HDAC9: variants seen among roughly 807,000 people sequenced by gnomAD.
HDAC9 encodes histone deacetylase 9.
HDAC9 carries 41 observed loss-of-function variants against 139.4 expected under a neutral mutation model. The ratio of observed to expected loss-of-function variants is 0.29; its 90% CI spans 0.23 to 0.38. The LOEUF (loss-of-function observed/expected upper bound fraction) is 0.38. Among genes scored for constraint, HDAC9 ranks in the 10% least tolerant of loss-of-function variants. The pLI, the probability that HDAC9 is intolerant of heterozygous loss-of-function variation, is 1.00. For synonymous variants in HDAC9, 517 were observed against 476.2 expected, an observed-to-expected ratio of 1.09 and a Z score of -1.12; for missense variants, 1,147 against 1,297.0, an observed-to-expected ratio of 0.88 and a Z score of 1.78.
intron 12 of HDAC9, among the ~76,000 whole-genome samples, chr7:18,709,512 T>G (rs901910616): frequency 2.0e-5 from 3 of 152,214 alleles, no homozygotes; most frequent in African/African-American, 7.2e-5. Context: ...TATATCTATT[T>G]AACAAGTATT....
At chr7:18,814,875 A>G (rs566133652) in intron 17 of HDAC9, among the ~76,000 whole-genome samples, 1 of 152,336 alleles carries the variant, frequency 6.6e-6, no homozygotes, top group East Asian at 1.9e-4. Context: ...CATTTTGATA[A>G]TAGTTATACA....
rs369533007 is a variant in HDAC9 at position 18,124,770 on chromosome 7, G to A, written c.-96-37459G>A. ...TGCCCCCAGCTGCTGTTACTGACAG[G>A]GTTTCTGCTTTCCATATTGCCCATT... On this transcript the variant is annotated intron_variant, in intron 1 of 12. Coordinates refer to the HDAC9 transcript ENST00000417496. Among the ~76,000 whole-genome samples the A allele has an allele frequency of 9.2e-5, 14 of 152,002 alleles. No individual in the cohort carries two copies. The East Asian group carries it at 2.5e-3, about 27-fold the overall frequency.
intron 9 of HDAC9, 142 bp from the exon 10 acceptor site, chr7:18,647,643 C>T (rs1051852136): frequency 8.0e-6 from 5 of 624,900 alleles, no homozygotes; most frequent in African/African-American, 7.3e-5. Flanking sequence ...TTTAAAAAGT[C>T]CATTTTCCCT....
intron 2 of HDAC9, among the ~76,000 whole-genome samples, chr7:18,499,883 T>A (rs1173637277): frequency 2.6e-5 from 4 of 152,258 alleles, no homozygotes; most frequent in South Asian, 4.1e-4. Context: ...AAGGGAACAT[T>A]TTAGATTCAG....
chr7:18,764,353 G>A (rs1303337429), intron 15 of HDAC9, among the ~76,000 whole-genome samples: 1 of 152,094 alleles, frequency 6.6e-6, no homozygotes, highest in African/African-American at 2.4e-5. Flanking sequence ...ACACTTCTCA[G>A]TGATCATTGC....
At chr7:18,710,772 G>A (rs541114904) in intron 12 of HDAC9, among the ~76,000 whole-genome samples, 1 of 152,258 alleles carries the variant, frequency 6.6e-6, no homozygotes, top group East Asian at 1.9e-4. Context: ...AGCCGCTGAA[G>A]TTTAAATAAC....
chr7:18,804,967 T>C (rs1793589984), intron 17 of HDAC9, among the ~76,000 whole-genome samples: 1 of 152,140 alleles, frequency 6.6e-6, no homozygotes, highest in South Asian at 2.1e-4. Flanking sequence ...GCTAATTTTT[T>C]GTATTCTTTG....
At chr7:18,931,841 G>T (rs1003330829) in intron 22 of HDAC9, among the ~76,000 whole-genome samples, 1 of 152,110 alleles carries the variant, frequency 6.6e-6, no homozygotes, top group African/African-American at 2.4e-5. Context: ...GAGTTGAGGG[G>T]CAGAGAGGGA....
At chr7:18,663,882 G>A (rs576119438) in intron 11 of HDAC9, among the ~76,000 whole-genome samples, 1 of 152,124 alleles carries the variant, frequency 6.6e-6, no homozygotes, top group Non-Finnish European at 1.5e-5. Context: ...TGAGGTATGA[G>A]TAAGGGTTGC....
chr7:18,391,340 G>A (rs10256429), intron 1 of HDAC9, among the ~76,000 whole-genome samples: 5,057 of 151,914 alleles, frequency 0.033, 307 homozygotes, highest in African/African-American at 0.12. Flanking sequence ...AGCCGCTATC[G>A]TGCCACTGCA....
chr7:18,355,305 G>A (rs1783168163), intron 1 of HDAC9, among the ~76,000 whole-genome samples: 1 of 152,024 alleles, frequency 6.6e-6, no homozygotes, highest in Non-Finnish European at 1.5e-5. Flanking sequence ...GGATGGTTTA[G>A]AGCCTCTGGT....
At chr7:18,884,000 A>G (rs1223809271) in intron 22 of HDAC9, among the ~76,000 whole-genome samples, 2 of 152,202 alleles carry the variant, frequency 1.3e-5, no homozygotes, top group Admixed American at 1.3e-4. Flanking sequence ...AGGAGGTGAA[A>G]GATCTCCAAA....
intron 1 of HDAC9, among the ~76,000 whole-genome samples, chr7:18,448,423 T>C (rs1792497326): frequency 6.6e-6 from 1 of 152,220 alleles, no homozygotes; most frequent in Non-Finnish European, 1.5e-5. Context: ...ATATCACCTT[T>C]GATCCCATAA....
chr7:18,960,721 G>A (rs182869557), intron 24 of HDAC9, among the ~76,000 whole-genome samples: 12 of 152,106 alleles, frequency 7.9e-5, no homozygotes, highest in Admixed American at 3.9e-4. Context: ...TAATGTTACC[G>A]TAAAGATAAC....
chr7:18,868,993 C>T (rs1798701081), intron 21 of HDAC9, among the ~76,000 whole-genome samples: 2 of 152,134 alleles, frequency 1.3e-5, no homozygotes, highest in African/African-American at 2.4e-5. Context: ...TTATGCATCT[C>T]TTCATTTGTA....
chr7:18,358,834 A>G (rs935777550), intron 1 of HDAC9, among the ~76,000 whole-genome samples: 3 of 152,204 alleles, frequency 2.0e-5, no homozygotes, highest in African/African-American at 7.2e-5. Context: ...GAACTGGAAA[A>G]TTGAGGTATA....
In HDAC9 at chr7:18,998,945, A is replaced by G. The variant is rs1003695568; in HGVS notation, c.*2883A>G. 1 of 152,252 alleles carries G rather than the reference A, an allele frequency of 6.6e-6. No individual in the cohort carries two copies. Among genetic ancestry groups the G allele is most frequent in the Non-Finnish European group, 1.5e-5 (1 of 68,042 alleles). 9.4% of individuals were successfully genotyped at this position (152,252 alleles called of 1,614,324 possible). A position where few individuals can be genotyped will look rare whatever the true frequency, so the allele number is the denominator to read the frequency against. On this transcript the variant is annotated 3_prime_UTR_variant, in exon 26 of 26. Coordinates refer to ENST00000686413, the MANE Select transcript of HDAC9 (RefSeq NM_178425.4). ...TGTATAATTTGGGGCTGTATATTAAACTAAAAAACACAGACAGTTTTATTA... is the reference window on the plus strand; with the variant it reads ...TGTATAATTTGGGGCTGTATATTAAGCTAAAAAACACAGACAGTTTTATTA...
intron 25 of HDAC9, among the ~76,000 whole-genome samples, chr7:18,995,497 T>C (rs1245381181): frequency 6.6e-6 from 1 of 152,216 alleles, no homozygotes; most frequent in Non-Finnish European, 1.5e-5. Context: ...GTGCATTTCT[T>C]GTAAAAATAT....
At chr7:18,298,237 C>T (rs990759426) in intron 1 of HDAC9, among the ~76,000 whole-genome samples, 1 of 151,430 alleles carries the variant, frequency 6.6e-6, no homozygotes, top group Non-Finnish European at 1.5e-5. Context: ...TTTATCTAAC[C>T]TTTATAAACA....
Sources: allele counts gnomAD v4.1 joint callset (sites outside exome capture counted in the v4.1 genomes callset), GRCh38; gene constraint gnomAD v4.1.1; transcripts MANE v1.5; gene names NCBI Gene and HGNC (gene_info 2026-07-23, HGNC 2026-07-21).